The following XKR4 variants were observed in gnomAD, a reference collection of about 807,000 sequenced individuals.
XKR4 encodes the protein XK-related protein 4.
In XKR4, 12 loss-of-function variants were observed where a neutral mutation model predicts 53.9. The observed-to-expected ratio is 0.22, with a 90% CI of 0.14 to 0.36. The LOEUF (loss-of-function observed/expected upper bound fraction) is 0.36, where lower values mean the gene tolerates loss of function less well. Ranked by LOEUF, XKR4 falls within the 10% of genes least tolerant of loss-of-function variation. The probability of loss-of-function intolerance (pLI) is 1.00; values close to 1 mark genes in which losing one functional copy is unlikely to be tolerated. For synonymous variants in XKR4, 354 were observed against 362.4 expected (o/e 0.98, Z 0.26); for missense variants, 799 against 859.5 (o/e 0.93, Z 0.88).
At chr8:55,134,867 C>G (rs149812105) in intron 1 of XKR4, among the ~76,000 whole-genome samples, 6 of 152,164 alleles carry the variant, frequency 3.9e-5, no homozygotes, top group African/African-American at 1.4e-4. Flanking sequence ...ATTTAATTCT[C>G]GCAACCCAAG....
At chr8:55,162,928 A>G (rs1051998292) in intron 1 of XKR4, among the ~76,000 whole-genome samples, 3 of 152,214 alleles carry the variant, frequency 2.0e-5, no homozygotes, top group Non-Finnish European at 2.9e-5. Flanking sequence ...GCATAATTTT[A>G]AAAATATAAT....
chr8:55,238,416 A>G (rs939979859), intron 1 of XKR4, among the ~76,000 whole-genome samples: 6 of 152,186 alleles, frequency 3.9e-5, no homozygotes, highest in Non-Finnish European at 7.3e-5. Context: ...AGGAAAAGGA[A>G]GGTTGGTCTT....
chr8:55,241,485 G>A (rs967430385), intron 1 of XKR4, among the ~76,000 whole-genome samples: 2 of 152,180 alleles, frequency 1.3e-5, no homozygotes, highest in Non-Finnish European at 2.9e-5. Context: ...CAATCCCTGG[G>A]GTATTGGCCT....
rs148072051 is a variant in XKR4 at position 55,397,805 on chromosome 8, C to T, written c.1006+39928C>T. Among the ~76,000 whole-genome samples, 8 of 152,224 alleles carry T rather than the reference C, an allele frequency of 5.3e-5. No individual in the cohort carries two copies. The East Asian group carries it at 1.4e-3, about 26-fold the overall frequency. On this transcript the variant is annotated intron_variant, in intron 2 of 2. Coordinates refer to ENST00000327381, the MANE Select transcript of XKR4 (RefSeq NM_052898.2). ...CCTTAAAAACCTCGGTGTCTTGGTC[C>T]AGTTTCAGATGCTGATTCAGACCTT...
chr8:55,210,089 T>G (rs988191761), intron 1 of XKR4, among the ~76,000 whole-genome samples: 1 of 6,146 alleles, frequency 1.6e-4, no homozygotes, highest in African/African-American at 2.2e-4. Flanking sequence ...CCTCTCCATT[T>G]TTTTTTTTTT....
At chr8:55,228,273 G>C (rs1771015722) in intron 1 of XKR4, among the ~76,000 whole-genome samples, 2 of 152,158 alleles carry the variant, frequency 1.3e-5, no homozygotes, top group South Asian at 2.1e-4. Flanking sequence ...AATAGAGACA[G>C]AGGCATGCAT....
chr8:55,170,544 T>TCTGAGAA (rs1817143389), intron 1 of XKR4, among the ~76,000 whole-genome samples: 2 of 152,198 alleles, frequency 1.3e-5, no homozygotes, highest in African/African-American at 4.8e-5. Flanking sequence ...GAGACCTGTG[T>TCTGAGAA]CTGAGAACTG....
chr8:55,325,121 T>C (rs1211126654), intron 1 of XKR4, among the ~76,000 whole-genome samples: 2 of 152,130 alleles, frequency 1.3e-5, no homozygotes, highest in Admixed American at 6.5e-5. Context: ...AGTAAATGCA[T>C]ATCAAAGAGA....
intron 2 of XKR4, among the ~76,000 whole-genome samples, chr8:55,437,489 T>C (rs946345263): frequency 6.6e-6 from 1 of 152,216 alleles, no homozygotes; most frequent in Non-Finnish European, 1.5e-5. Context: ...CTTCCCTCAC[T>C]CTAATTACGT....
intron 2 of XKR4, chr8:55,451,026 T>C (rs1805433319): frequency 1.8e-6 from 1 of 552,254 alleles, no homozygotes; most frequent in Admixed American, 2.3e-5. Flanking sequence ...AGCCTTCACC[T>C]GCCGCGCCTG....
Position 55,475,900 on chromosome 8 carries a change from C to A in XKR4, c.1007-47381C>A, listed in dbSNP as rs150251088. ...ACAGGCATGAGCCACCACACCCAGCCTCACACTCACTATTTTTCTAATTTT... is the reference window on the plus strand; with the variant it reads ...ACAGGCATGAGCCACCACACCCAGCATCACACTCACTATTTTTCTAATTTT... On this transcript the variant is annotated intron_variant, in intron 2 of 2. Transcript: ENST00000327381. 3.4e-4 allele frequency among the ~76,000 whole-genome samples: 51 copies of A among 152,014 alleles called. 1 individual carries two copies. The highest frequency in any genetic ancestry group is 1.2e-3 in the African/African-American group (50 of 41,402).
chr8:55,436,063 C>T (rs2658915), intron 2 of XKR4, among the ~76,000 whole-genome samples: 8,196 of 152,222 alleles, frequency 0.054, 314 homozygotes, highest in Non-Finnish European at 0.079. Flanking sequence ...ATTTATTAAG[C>T]ACACCATTTT....
rs893484028 is a variant in XKR4, at chr8:55,528,774, A to G, written c.*4547A>G. The G allele has an allele frequency of 2.0e-5, 3 of 152,018 alleles. No individual in the cohort carries two copies. Among genetic ancestry groups the G allele is most frequent in the Admixed American group, 2.0e-4 (3 of 15,260 alleles). The allele number at this position is 152,018 out of a possible 1,614,324, so 9.4% of individuals were successfully genotyped here. A position where few individuals can be genotyped will look rare whatever the true frequency, so the allele number is the denominator to read the frequency against. On this transcript the variant is annotated 3_prime_UTR_variant, in exon 3 of 3. Transcript: ENST00000327381. ...CGGCAATCCAATGTCATTTTTGAAA[A>G]CAATCAAAAAGATCGCTTGTGTCAG...
chr8:55,154,359 A>G (rs552284412), intron 1 of XKR4, among the ~76,000 whole-genome samples: 17 of 152,188 alleles, frequency 1.1e-4, no homozygotes, highest in Non-Finnish European at 2.1e-4. Flanking sequence ...TTGTGTTGTG[A>G]TGCTTTCCAT....
chr8:55,148,894 C>T (rs1816805649), intron 1 of XKR4, among the ~76,000 whole-genome samples: 1 of 152,306 alleles, frequency 6.6e-6, no homozygotes, highest in Middle Eastern at 3.4e-3. Flanking sequence ...ATGGGTTTCT[C>T]TTCCTACTGA....
chr8:55,219,102 G>A (rs1817846259), intron 1 of XKR4, among the ~76,000 whole-genome samples: 1 of 151,674 alleles, frequency 6.6e-6, no homozygotes, highest in Non-Finnish European at 1.5e-5. Flanking sequence ...CCTTGTTAGA[G>A]TTGGGTTTCT....
chr8:55,511,414 G>C (rs1806623894), intron 2 of XKR4, among the ~76,000 whole-genome samples: 1 of 152,178 alleles, frequency 6.6e-6, no homozygotes, highest in South Asian at 2.1e-4. Flanking sequence ...AGAAGGGTTT[G>C]GACAGGCATT....
chr8:55,433,412 GATAATA>G (rs974427613), intron 2 of XKR4, among the ~76,000 whole-genome samples: 1 of 152,178 alleles, frequency 6.6e-6, no homozygotes, highest in Non-Finnish European at 1.5e-5. Context: ...TATAGGAAGA[GATAATA>G]ATAATAAATC....
intron 1 of XKR4, among the ~76,000 whole-genome samples, chr8:55,341,819 C>A (rs1042117135): frequency 2.1e-4 from 32 of 152,026 alleles, no homozygotes; most frequent in African/African-American, 7.5e-4. Context: ...CTGGGGCCGC[C>A]TGATGTATTT....
Sources: allele counts gnomAD v4.1 joint callset (sites outside exome capture counted in the v4.1 genomes callset), GRCh38; gene constraint gnomAD v4.1.1; transcripts MANE v1.5; gene names NCBI Gene and HGNC (gene_info 2026-07-23, HGNC 2026-07-21).